PPP1R13B: variants seen among roughly 807,000 people sequenced by gnomAD.
The protein encoded by PPP1R13B is apoptosis-stimulating of p53 protein 1.
PPP1R13B carries 44 observed loss-of-function variants against 119.8 expected under a neutral mutation model. That is an observed-to-expected ratio of 0.37 (90% CI 0.29 to 0.47). The LOEUF is 0.47. PPP1R13B is among the 20% of genes least tolerant of loss of function. The pLI, the probability that PPP1R13B is intolerant of heterozygous loss-of-function variation, is 0.99. For missense variants in PPP1R13B, 1,227 were observed against 1,413.5 expected (o/e 0.87, Z 2.12); for synonymous variants, 542 against 561.5 (o/e 0.97, Z 0.49).
intron 1 of PPP1R13B, among the ~76,000 whole-genome samples, chr14:103,825,382 A>G (rs2086514127): frequency 6.6e-6 from 1 of 152,210 alleles, no homozygotes; most frequent in African/African-American, 2.4e-5. Flanking sequence ...TAACCTTAAG[A>G]GGAAGGAATG....
At chr14:103,791,583 G>A (rs1269080411) in intron 2 of PPP1R13B, among the ~76,000 whole-genome samples, 2 of 152,132 alleles carry the variant, frequency 1.3e-5, no homozygotes, top group African/African-American at 4.8e-5. Flanking sequence ...AACTTAGCCA[G>A]GCGTGGTGGC....
chr14:103,816,688 T>A (rs1426471536), intron 1 of PPP1R13B, among the ~76,000 whole-genome samples: 9 of 145,614 alleles, frequency 6.2e-5, no homozygotes, highest in Admixed American at 2.1e-4. Context: ...AAAAAAAAAA[T>A]TATTTCCTTT....
intron 1 of PPP1R13B, among the ~76,000 whole-genome samples, chr14:103,840,977 T>C (rs990314230): frequency 2.6e-5 from 4 of 151,758 alleles, no homozygotes; most frequent in African/African-American, 7.3e-5. Context: ...CAGAAACATA[T>C]ATAAACATAT....
intron 1 of PPP1R13B, among the ~76,000 whole-genome samples, chr14:103,814,239 C>G (rs894615670): frequency 6.6e-6 from 1 of 152,162 alleles, no homozygotes; most frequent in Non-Finnish European, 1.5e-5. Context: ...ATCCCAGCTA[C>G]TTGGGAGGCT....
At chr14:103,760,783 G>T (rs577471368) in intron 4 of PPP1R13B, among the ~76,000 whole-genome samples, 4 of 152,228 alleles carry the variant, frequency 2.6e-5, no homozygotes, top group African/African-American at 9.6e-5. Context: ...CCCCGCCTCA[G>T]GTCTAGCTAG....
At chr14:103,831,791 C>T (rs1036573078) in intron 1 of PPP1R13B, among the ~76,000 whole-genome samples, 7 of 151,922 alleles carry the variant, frequency 4.6e-5, no homozygotes, top group Non-Finnish European at 1.0e-4. Context: ...CAAAAATTAG[C>T]CAGGCATGGT....
At chr14:103,768,813 A>C (rs1370997505) in intron 4 of PPP1R13B, among the ~76,000 whole-genome samples, 1 of 151,236 alleles carries the variant, frequency 6.6e-6, no homozygotes, top group Non-Finnish European at 1.5e-5. Context: ...TCACTGATCC[A>C]CCCTCCTTGG....
chr14:103,807,735 C>T (rs2086052203), intron 1 of PPP1R13B, among the ~76,000 whole-genome samples: 2 of 152,060 alleles, frequency 1.3e-5, no homozygotes, highest in Non-Finnish European at 2.9e-5. Flanking sequence ...ACCGTGTGAT[C>T]CATCCACCTT....
intron 1 of PPP1R13B, among the ~76,000 whole-genome samples, chr14:103,819,324 C>A (rs994598820): frequency 1.3e-5 from 2 of 151,788 alleles, no homozygotes; most frequent in East Asian, 3.9e-4. Flanking sequence ...CAGACTGAGG[C>A]GGGGAACAAG....
intron 7 of PPP1R13B, 40 bp from the exon 8 acceptor site, chr14:103,749,974 T>G (rs771668308): frequency 3.1e-6 from 5 of 1,594,034 alleles, no homozygotes; most frequent in Non-Finnish European, 4.3e-6. Context: ...TTTGTGTTAA[T>G]TAAAAGTCAA....
At chr14:103,759,091 T>C (rs1404626727) in intron 4 of PPP1R13B, 1 of 152,094 alleles carries the variant, frequency 6.6e-6, no homozygotes, top group African/African-American at 2.4e-5. Flanking sequence ...CCCGAATAGC[T>C]GGGACTACAG....
At chr14:103,771,866 A>G (rs1864539673) in intron 4 of PPP1R13B, among the ~76,000 whole-genome samples, 1 of 152,198 alleles carries the variant, frequency 6.6e-6, no homozygotes, top group South Asian at 2.1e-4. Flanking sequence ...GCATATATCT[A>G]AAGTACACAA....
Position 103,741,908 on chromosome 14 carries a change from C to T in PPP1R13B, c.1704G>A (p.Arg568=), listed in dbSNP as rs1327522740. Residue 568 remains arginine (R), a synonymous_variant, in exon 11 of 17, where the codon AGG becomes AGA. Coordinates refer to ENST00000202556, the MANE Select transcript of PPP1R13B (RefSeq NM_015316.3). The part of the protein sequence containing the change: ...ADKGSRPQSP[R]KGPQTVNSSS... Reference sequence around the variant, plus strand: ...TTGAATTCACTGTCTGGGGTCCTTTCCTGGGAGACTGTGGCCTTGACCCTT... The same window carrying T: ...TTGAATTCACTGTCTGGGGTCCTTTTCTGGGAGACTGTGGCCTTGACCCTT... The T allele has an allele frequency of 1.9e-6, 3 of 1,614,078 alleles. No individual in the cohort carries two copies. Among genetic ancestry groups the T allele is most frequent in the African/African-American group, 2.7e-5 (2 of 74,910 alleles).
intron 1 of PPP1R13B, among the ~76,000 whole-genome samples, chr14:103,804,489 G>C (rs1412718835): frequency 1.3e-5 from 2 of 152,156 alleles, no homozygotes; most frequent in East Asian, 3.9e-4. Flanking sequence ...GAGGGAGGCA[G>C]AGGCAGGAGG....
At chr14:103,748,416 C>T (rs2084449501) in intron 8 of PPP1R13B, among the ~76,000 whole-genome samples, 1 of 152,200 alleles carries the variant, frequency 6.6e-6, no homozygotes, top group African/African-American at 2.4e-5. Context: ...ACACCCACTC[C>T]CCCTAGGCAA....
chr14:103,765,005 A>C (rs1389180070), intron 4 of PPP1R13B, among the ~76,000 whole-genome samples: 4 of 152,084 alleles, frequency 2.6e-5, no homozygotes, highest in Non-Finnish European at 5.9e-5. Flanking sequence ...TTTTTAGTAG[A>C]GATGGGGTTT....
intron 15 of PPP1R13B, chr14:103,736,555 G>A (rs964411466): frequency 3.3e-6 from 1 of 304,244 alleles, no homozygotes; most frequent in Admixed American, 4.5e-5. Context: ...GACTGCTCTT[G>A]GATGGTAATG....
chr14:103,807,347 T>C (rs1374701853), intron 1 of PPP1R13B, among the ~76,000 whole-genome samples: 11 of 152,204 alleles, frequency 7.2e-5, no homozygotes. Flanking sequence ...CTGATCTATG[T>C]ATATATTTGT....
chr14:103,797,757 CT>C, intron 1 of PPP1R13B, among the ~76,000 whole-genome samples: 2 of 151,824 alleles, frequency 1.3e-5, no homozygotes, highest in Middle Eastern at 6.8e-3. Context: ...TTATAAAGTG[CT>C]CAAAACAACA....
Sources: gnomAD v4.1 joint callset for allele counts (sites outside exome capture counted in the v4.1 genomes callset) on GRCh38, gnomAD v4.1.1 for gene constraint, MANE v1.5 for transcripts, NCBI Gene and HGNC (gene_info 2026-07-23, HGNC 2026-07-21) for gene names.